The following RIMS1 variants were observed in gnomAD, a reference collection of about 807,000 sequenced individuals.
The protein encoded by RIMS1 is regulating synaptic membrane exocytosis 1, also known as regulating synaptic membrane exocytosis protein 1.
A neutral mutation model predicts 214.1 loss-of-function variants in RIMS1; 83 were observed. That is an observed-to-expected ratio of 0.39 (90% CI 0.32 to 0.47). The LOEUF (loss-of-function observed/expected upper bound fraction) is 0.47. RIMS1 is among the 20% of genes least tolerant of loss of function. RIMS1 has a pLI of 0.99. For synonymous variants in RIMS1, 793 were observed against 786.8 expected, an observed-to-expected ratio of 1.01 and a Z score of -0.13; for missense variants, 2,050 against 2,161.8, an observed-to-expected ratio of 0.95 and a Z score of 1.03.
At chr6:72,312,890 T>C (rs1440680852) in intron 27 of RIMS1, among the ~76,000 whole-genome samples, 3 of 152,196 alleles carry the variant, frequency 2.0e-5, no homozygotes, top group African/African-American at 7.2e-5. Context: ...ACAGGTCAAG[T>C]ATCCCTTACC....
intron 4 of RIMS1, among the ~76,000 whole-genome samples, chr6:72,125,796 G>T (rs538199926): frequency 2.6e-4 from 40 of 152,322 alleles, no homozygotes; most frequent in South Asian, 1.2e-3. Flanking sequence ...CACCAAGCCA[G>T]GTGTGGGATA....
rs1428099325 is a variant in RIMS1, at chr6:71,941,494, T to C, written c.165-27489T>C. 3.3e-5 allele frequency among the ~76,000 whole-genome samples: 5 copies of C among 152,188 alleles called. No homozygotes were observed. The East Asian group carries it at 9.6e-4, about 29-fold the overall frequency. ...TTTACTTGTCCCTCATTTTTGATGA[T>C]TGATGTAGCAATTTGATTTTATTTT... On this transcript the variant is annotated intron_variant, in intron 1 of 33. Coordinates refer to ENST00000521978, the MANE Select transcript of RIMS1 (RefSeq NM_014989.7).
chr6:72,392,572 A>T, intron 30 of RIMS1, 126 bp from the exon 31 acceptor site: 2 of 752,228 alleles, frequency 2.7e-6, no homozygotes, highest in Non-Finnish European at 4.7e-6. Flanking sequence ...AGAATCAATT[A>T]AAAAAACAGA....
At chr6:71,949,823 C>T (rs564360337) in intron 1 of RIMS1, among the ~76,000 whole-genome samples, 1 of 152,276 alleles carries the variant, frequency 6.6e-6, no homozygotes, top group South Asian at 2.1e-4. Flanking sequence ...TATAAATTAA[C>T]ATACACTTGC....
At position 72,370,095 on chromosome 6, in the gene RIMS1, T is replaced by A. The variant is rs571728312; in HGVS notation, c.4367-20503T>A. ...TAGCACATAGTCATAGTTGTTCCTC[T>A]GTTTGCTACACTTTCTCCCTGGTTT... On this transcript the variant is annotated intron_variant, in intron 29 of 33. Transcript: ENST00000521978. Among the ~76,000 whole-genome samples the A allele has an allele frequency of 2.0e-5, 3 of 152,354 alleles. No homozygotes were observed. The South Asian group carries it at 6.2e-4, about 32-fold the overall frequency.
intron 22 of RIMS1, among the ~76,000 whole-genome samples, chr6:72,272,598 C>G (rs1385898718): frequency 6.6e-6 from 1 of 152,150 alleles, no homozygotes; most frequent in African/African-American, 2.4e-5. Flanking sequence ...CCACAGCTTT[C>G]ACTGCATGTT....
chr6:72,318,769 C>T (rs1360582599), intron 28 of RIMS1, among the ~76,000 whole-genome samples: 1 of 152,142 alleles, frequency 6.6e-6, no homozygotes, highest in African/African-American at 2.4e-5. Flanking sequence ...TCAGTTCTAA[C>T]TCCTCACTAG....
chr6:72,179,516 C>A, intron 4 of RIMS1, 59 bp from the exon 5 acceptor site: 2 of 1,260,130 alleles, frequency 1.6e-6, no homozygotes, highest in Admixed American at 2.1e-5. Context: ...TTTTAAGATA[C>A]TGAAAAATTA....
intron 2 of RIMS1, among the ~76,000 whole-genome samples, chr6:71,975,659 A>G (rs1796938014): frequency 6.6e-6 from 1 of 152,286 alleles, no homozygotes; most frequent in East Asian, 1.9e-4. Context: ...TGCAGCCATC[A>G]TCACTATGTA....
At chr6:72,291,794 T>C in intron 25 of RIMS1, 140 bp from the exon 26 acceptor site, 2 of 700,614 alleles carry the variant, frequency 2.9e-6, no homozygotes, top group Admixed American at 2.1e-5. Context: ...ACACATATCA[T>C]AAAAAGTGTT....
chr6:72,182,770 T>A lies in RIMS1; in HGVS notation c.1299T>A (p.Thr433=). ...CGCGGGCTTACTCGGCTGAGAGAACTGCGGAGACCAGGGCGCCGGGCGCCA... is the reference window on the plus strand; with the variant it reads ...CGCGGGCTTACTCGGCTGAGAGAACAGCGGAGACCAGGGCGCCGGGCGCCA... ...DSPRAYSAER[T]AETRAPGAKQ... is the part of the protein sequence containing the mutation. Residue 433 remains threonine (T), a synonymous_variant, in exon 6 of 34, where the codon ACT becomes ACA. Coordinates refer to ENST00000521978, the MANE Select transcript of RIMS1 (RefSeq NM_014989.7). The A allele has an allele frequency of 1.3e-6, 2 of 1,544,812 alleles. No homozygotes were observed. The highest frequency in any genetic ancestry group is 1.7e-6 in the Non-Finnish European group (2 of 1,149,532).
At chr6:72,133,632 G>T (rs1472962332) in intron 4 of RIMS1, among the ~76,000 whole-genome samples, 2 of 152,096 alleles carry the variant, frequency 1.3e-5, no homozygotes, top group Non-Finnish European at 2.9e-5. Flanking sequence ...TACTCCATTT[G>T]GAGTAGTTTC....
At chr6:72,013,370 A>G (rs116473813) in intron 2 of RIMS1, among the ~76,000 whole-genome samples, 1,967 of 152,320 alleles carry the variant, frequency 0.013, 36 homozygotes, top group African/African-American at 0.044. Flanking sequence ...CCTTTTATTC[A>G]CCAACCATCT....
At chr6:72,128,255 A>G (rs557188329) in intron 4 of RIMS1, among the ~76,000 whole-genome samples, 2 of 152,294 alleles carry the variant, frequency 1.3e-5, no homozygotes, top group African/African-American at 2.4e-5. Context: ...AAAGATGTAC[A>G]TACATTTCAA....
At chr6:71,910,541 C>T (rs931756736) in intron 1 of RIMS1, among the ~76,000 whole-genome samples, 1 of 152,136 alleles carries the variant, frequency 6.6e-6, no homozygotes, top group Non-Finnish European at 1.5e-5. Context: ...CATTCCTACT[C>T]ACTTTCTAGG....
intron 1 of RIMS1, among the ~76,000 whole-genome samples, chr6:71,963,851 C>G (rs1793680628): frequency 6.6e-6 from 1 of 152,122 alleles, no homozygotes; most frequent in Admixed American, 6.5e-5. Flanking sequence ...AAATTAGTTA[C>G]TGAAGCTTGA....
intron 4 of RIMS1, among the ~76,000 whole-genome samples, chr6:72,152,845 TGGA>T (rs2043858812): frequency 3.2e-5 from 3 of 92,878 alleles, no homozygotes; most frequent in African/African-American, 9.6e-5. Context: ...TATGTATATA[TGGA>T]ATATATGTAT....
intron 4 of RIMS1, among the ~76,000 whole-genome samples, chr6:72,158,800 G>T (rs1374780907): frequency 7.2e-6 from 1 of 139,792 alleles, no homozygotes; most frequent in Non-Finnish European, 1.6e-5. Context: ...TCTTAATCCA[G>T]TCTATCATTG....
chr6:72,273,469 C>T (rs2084488698), intron 22 of RIMS1, among the ~76,000 whole-genome samples: 1 of 152,046 alleles, frequency 6.6e-6, no homozygotes, highest in African/African-American at 2.4e-5. Flanking sequence ...CTTATTTCCT[C>T]AGTTTTAACT....
Sources: allele counts gnomAD v4.1 joint callset (sites outside exome capture counted in the v4.1 genomes callset), GRCh38; gene constraint gnomAD v4.1.1; transcripts MANE v1.5; gene names NCBI Gene and HGNC (gene_info 2026-07-23, HGNC 2026-07-21).